The following CADM1 variants were observed in gnomAD, a reference collection of about 807,000 sequenced individuals.
CADM1 encodes the protein TSLC-1.
In CADM1, 15 loss-of-function variants were observed where a neutral mutation model predicts 53.1. The ratio of observed to expected loss-of-function variants is 0.28; its 90% CI spans 0.19 to 0.44. CADM1 has a LOEUF of 0.44. CADM1 is among the 20% of genes least tolerant of loss of function. CADM1 has a pLI of 1.00. For missense variants in CADM1, 434 were observed against 611.3 expected, an observed-to-expected ratio of 0.71 and a Z score of 3.06; for synonymous variants, 281 against 243.0, an observed-to-expected ratio of 1.16 and a Z score of -1.45.
chr11:115,432,581 A>T (rs1591230870), intron 1 of CADM1, among the ~76,000 whole-genome samples: 1 of 152,232 alleles, frequency 6.6e-6, no homozygotes, highest in Non-Finnish European at 1.5e-5. Flanking sequence ...TTTTTAAAAT[A>T]TAAAAGTAGT....
intron 1 of CADM1, among the ~76,000 whole-genome samples, chr11:115,371,358 T>C (rs932448879): frequency 1.4e-4 from 22 of 152,036 alleles, no homozygotes; most frequent in Non-Finnish European, 2.9e-4. Flanking sequence ...TGGTATAACA[T>C]CATTTGCAAG....
chr11:115,284,537 C>T (rs965245839), intron 1 of CADM1, among the ~76,000 whole-genome samples: 4 of 150,646 alleles, frequency 2.7e-5, no homozygotes, highest in Non-Finnish European at 3.0e-5. Flanking sequence ...AAAGGAAAAA[C>T]GTAAGAGGAA....
intron 5 of CADM1, among the ~76,000 whole-genome samples, chr11:115,221,306 T>C (rs534326708): frequency 2.4e-4 from 37 of 152,360 alleles, no homozygotes; most frequent in African/African-American, 7.0e-4. Context: ...GAGGTTTTCA[T>C]AATACACTGT....
chr11:115,336,848 T>G (rs989827582), intron 1 of CADM1, among the ~76,000 whole-genome samples: 1 of 152,298 alleles, frequency 6.6e-6, no homozygotes, highest in Middle Eastern at 3.4e-3. Context: ...AAAAATTAAA[T>G]TGAACTTATT....
chr11:115,307,111 T>A (rs148914705), intron 1 of CADM1, among the ~76,000 whole-genome samples: 306 of 152,120 alleles, frequency 2.0e-3, no homozygotes, highest in African/African-American at 6.8e-3. Flanking sequence ...ATTTATAACA[T>A]ATATTTAAAT....
chr11:115,326,176 G>A (rs1403808362), intron 1 of CADM1, among the ~76,000 whole-genome samples: 1 of 152,078 alleles, frequency 6.6e-6, no homozygotes, highest in African/African-American at 2.4e-5. Flanking sequence ...GTATAATAAA[G>A]AATATAAAAG....
In CADM1 at chr11:115,169,646, GAGAA is replaced by G. The variant is rs980638611; in HGVS notation, c.*6824_*6827del. On this transcript the variant is annotated 3_prime_UTR_variant, in exon 12 of 12. Coordinates refer to ENST00000331581, the MANE Select transcript of CADM1 (RefSeq NM_001301043.2). ...ACAGGCCTAGAGAGAGGGAGAGAAA[GAGAA>G]AGAGAGAGAGATGGATAGTAATTTC... The G allele has an allele frequency of 6.6e-6, 3 of 456,386 alleles. No individual in the cohort carries two copies. The highest frequency in any genetic ancestry group is 6.0e-5 in the African/African-American group (3 of 50,052). 28.3% of individuals were successfully genotyped at this position (456,386 alleles called of 1,614,324 possible). A position where few individuals can be genotyped will look rare whatever the true frequency, so the allele number is the denominator to read the frequency against.
At chr11:115,424,737 G>A (rs752202559) in intron 1 of CADM1, among the ~76,000 whole-genome samples, 2 of 151,926 alleles carry the variant, frequency 1.3e-5, no homozygotes, top group Non-Finnish European at 2.9e-5. Flanking sequence ...TGTTGGCCAG[G>A]CTTGTTTTGA....
At chr11:115,256,807 T>C (rs898887951) in intron 1 of CADM1, 5 of 456,112 alleles carry the variant, frequency 1.1e-5, no homozygotes, top group Admixed American at 7.0e-5. Context: ...TTTGTTCTTA[T>C]ATGAAAGCTG....
At chr11:115,273,982 A>G (rs1315477390) in intron 1 of CADM1, among the ~76,000 whole-genome samples, 2 of 152,156 alleles carry the variant, frequency 1.3e-5, no homozygotes, top group African/African-American at 4.8e-5. Flanking sequence ...AAGTCCCCCA[A>G]CCACAGTACA....
intron 1 of CADM1, among the ~76,000 whole-genome samples, chr11:115,340,637 TA>T (rs1565374997): frequency 2.3e-4 from 8 of 34,272 alleles, no homozygotes; most frequent in African/African-American, 7.6e-4. Context: ...TATATATATA[TA>T]TATATATATA....
intron 1 of CADM1, among the ~76,000 whole-genome samples, chr11:115,246,885 A>T (rs770596877): frequency 2.6e-5 from 4 of 152,224 alleles, no homozygotes; most frequent in Admixed American, 6.5e-5. Flanking sequence ...ACATTTTATA[A>T]TCAGTAACAG....
At chr11:115,282,948 G>A (rs1943627802) in intron 1 of CADM1, among the ~76,000 whole-genome samples, 1 of 152,042 alleles carries the variant, frequency 6.6e-6, no homozygotes, top group African/African-American at 2.4e-5. Context: ...GGCCTTTAAC[G>A]TACACCAAGG....
intron 1 of CADM1, among the ~76,000 whole-genome samples, chr11:115,367,317 T>C (rs907393203): frequency 6.6e-6 from 1 of 152,238 alleles, no homozygotes; most frequent in Non-Finnish European, 1.5e-5. Flanking sequence ...AAACAAGGTG[T>C]GCTGGCTAGA....
chr11:115,267,073 T>A (rs529785087), intron 1 of CADM1, among the ~76,000 whole-genome samples: 1 of 152,212 alleles, frequency 6.6e-6, no homozygotes, highest in African/African-American at 2.4e-5. Flanking sequence ...GATAAAACAC[T>A]GTTACTGTCT....
At chr11:115,433,796 C>T (rs954784491) in intron 1 of CADM1, among the ~76,000 whole-genome samples, 7 of 152,176 alleles carry the variant, frequency 4.6e-5, no homozygotes, top group South Asian at 2.1e-4. Context: ...TGTGCAAACA[C>T]GTCGGCTGGT....
intron 1 of CADM1, among the ~76,000 whole-genome samples, chr11:115,368,110 C>CTTTTTTTT (rs58589028): frequency 9.7e-5 from 6 of 61,880 alleles, no homozygotes; most frequent in African/African-American, 2.0e-4. Flanking sequence ...TCACTAGAGT[C>CTTTTTTTT]TTTTTTTTTT....
chr11:115,298,650 A>G (rs1362809260), intron 1 of CADM1, among the ~76,000 whole-genome samples: 1 of 152,328 alleles, frequency 6.6e-6, no homozygotes, highest in African/African-American at 2.4e-5. Flanking sequence ...TTTTTGAGAA[A>G]GAGTTGGAAA....
At position 115,175,518 on chromosome 11, in the gene CADM1, T is replaced by C. The variant is rs1938986838; in HGVS notation, c.*956A>G. On this transcript the variant is annotated 3_prime_UTR_variant, in exon 12 of 12. Coordinates refer to ENST00000331581, the MANE Select transcript of CADM1 (RefSeq NM_001301043.2). ...GGAACAGAAACAACCAGAGCAGAAC[T>C]GTATTTCCCCCCTCCCTACTTCCCC... The C allele has an allele frequency of 2.0e-6, 2 of 985,564 alleles. No homozygotes were observed. Among genetic ancestry groups the C allele is most frequent in the Non-Finnish European group, 2.4e-6 (2 of 830,006 alleles). The allele number at this position is 985,564 out of a possible 1,614,324, so 61.1% of individuals were successfully genotyped here. A position where few individuals can be genotyped will look rare whatever the true frequency, so the allele number is the denominator to read the frequency against.
Sources: allele counts gnomAD v4.1 joint callset (sites outside exome capture counted in the v4.1 genomes callset), GRCh38; gene constraint gnomAD v4.1.1; transcripts MANE v1.5; gene names NCBI Gene and HGNC (gene_info 2026-07-23, HGNC 2026-07-21).